GPLD1: variants seen among roughly 807,000 people sequenced by gnomAD.
The protein encoded by GPLD1 is phosphatidylinositol-glycan-specific phospholipase D.
In GPLD1, 84 loss-of-function variants were observed where a neutral mutation model predicts 112.6. The observed-to-expected ratio is 0.75, with a 90% CI of 0.63 to 0.89. GPLD1 has a LOEUF of 0.89. Ranked by LOEUF, GPLD1 falls within the 40% of genes least tolerant of loss-of-function variation. The probability of loss-of-function intolerance (pLI) is 0.00; values close to 1 mark genes in which losing one functional copy is unlikely to be tolerated. For synonymous variants in GPLD1, 386 were observed against 403.8 expected (o/e 0.96, Z 0.53); for missense variants, 1,044 against 1,051.5 (o/e 0.99, Z 0.10).
At chr6:24,435,840 A>AAAAAAAAAAAAAAAAAAAAAAAAAT (rs1762561279) in intron 22 of GPLD1, 1 of 149,622 alleles carries the variant, frequency 6.7e-6, no homozygotes, top group Non-Finnish European at 1.5e-5. Flanking sequence ...AAAAAAAAAA[A>AAAAAAAAAAAAAAAAAAAAAAAAAT]AAAAAAAGTT....
rs148993886 is a variant in GPLD1, at chr6:24,427,898, C to CA, written c.*1133_*1134insT. ...TCATCCTTAGCAAACTAACACACGA[C>CA]CAGGAACAGAAAACCAAATACCAAG... On this transcript the variant is annotated 3_prime_UTR_variant, in exon 25 of 25. Transcript: ENST00000230036. Among the ~76,000 whole-genome samples, 18,513 of 148,702 alleles carry CA rather than the reference C, an allele frequency of 0.12. 1,464 individuals carry two copies. The highest frequency in any genetic ancestry group is 0.16 in the East Asian group (806 of 5,086).
chr6:24,465,229 GAAAAGAAAAA>G (rs1165085867), intron 10 of GPLD1, among the ~76,000 whole-genome samples: 27 of 139,992 alleles, frequency 1.9e-4, no homozygotes, highest in Non-Finnish European at 4.0e-4. Flanking sequence ...GAAAAGAAAA[GAAAAGAAAAA>G]AAAAGAAATG....
At chr6:24,484,868 C>T (rs937666117) in intron 2 of GPLD1, among the ~76,000 whole-genome samples, 5 of 152,144 alleles carry the variant, frequency 3.3e-5, no homozygotes, top group South Asian at 2.1e-4. Context: ...CTTACCATCC[C>T]GCTTCCCAAA....
intron 7 of GPLD1, among the ~76,000 whole-genome samples, chr6:24,468,957 G>A (rs1027625104): frequency 2.0e-5 from 3 of 152,210 alleles, no homozygotes; most frequent in African/African-American, 4.8e-5. Context: ...TAAATTGATT[G>A]AGACTTGTCT....
intron 7 of GPLD1, among the ~76,000 whole-genome samples, chr6:24,469,847 C>A (rs1407274843): frequency 2.0e-5 from 3 of 152,020 alleles, no homozygotes; most frequent in African/African-American, 7.2e-5. Context: ...TAGTAGGTTT[C>A]TTTTAGTAGG....
rs1352752525 is a variant in GPLD1, at chr6:24,456,647, A to G, written c.1009-10T>C. ...TAAAGGACATGGAATCCTGAAATAA[A>G]AGAATCATTATAGACAGTAAAGACA... is the stretch of plus-strand genomic sequence containing the variant. On this transcript the variant is annotated splice_polypyrimidine_tract_variant and intron_variant, in intron 12 of 24. Transcript: ENST00000230036. The G allele has an allele frequency of 5.7e-6, 9 of 1,581,120 alleles. No individual in the cohort carries two copies. In the Admixed American group the frequency reaches 1.2e-4, roughly 21 times the overall value.
chr6:24,429,413 T>C (rs146494858), intron 24 of GPLD1, among the ~76,000 whole-genome samples: 7 of 152,290 alleles, frequency 4.6e-5, no homozygotes, highest in African/African-American at 1.7e-4. Context: ...GGAAAACATA[T>C]CTTGAATAGT....
intron 4 of GPLD1, 21 bp downstream of exon 4, chr6:24,476,160 G>A: frequency 7.7e-7 from 1 of 1,292,080 alleles, no homozygotes; most frequent in Non-Finnish European, 1.1e-6. Context: ...AATATTTTAA[G>A]GATTGGAGGA....
intron 5 of GPLD1, 72 bp downstream of exon 5, chr6:24,475,049 C>T (rs995700896): frequency 1.4e-5 from 11 of 787,576 alleles, no homozygotes; most frequent in Admixed American, 7.6e-5. Context: ...TCTTTTAAAA[C>T]GGTCAGGTTT....
chr6:24,463,691 GA>G (rs1763507920), intron 10 of GPLD1, among the ~76,000 whole-genome samples: 2 of 152,172 alleles, frequency 1.3e-5, no homozygotes, highest in African/African-American at 4.8e-5. Flanking sequence ...CTTTTTTAAG[GA>G]AAATATACCA....
chr6:24,442,917 A>T (rs1002919955), intron 20 of GPLD1, among the ~76,000 whole-genome samples: 2 of 152,114 alleles, frequency 1.3e-5, no homozygotes, highest in African/African-American at 2.4e-5. Flanking sequence ...AGGAAAAAAA[A>T]TTATCAAGAG....
At chr6:24,438,193 G>A (rs958246748) in intron 20 of GPLD1, among the ~76,000 whole-genome samples, 1 of 152,108 alleles carries the variant, frequency 6.6e-6, no homozygotes, top group Non-Finnish European at 1.5e-5. Context: ...AAGAAATGCG[G>A]TCACGTCTCT....
intron 7 of GPLD1, among the ~76,000 whole-genome samples, chr6:24,468,305 T>G (rs115534402): frequency 6.6e-6 from 1 of 152,204 alleles, no homozygotes; most frequent in Non-Finnish European, 1.5e-5. Flanking sequence ...AAAGGACAGA[T>G]AGAACTCAAA....
intron 3 of GPLD1, 69 bp from the exon 4 acceptor site, chr6:24,476,347 A>G: frequency 1.3e-6 from 1 of 774,998 alleles, no homozygotes; most frequent in Non-Finnish European, 2.2e-6. Context: ...AATCTTCCAC[A>G]CCACCCGCTG....
At chr6:24,437,809 C>T (rs9467153) in intron 20 of GPLD1, among the ~76,000 whole-genome samples, 9,168 of 152,270 alleles carry the variant, frequency 0.06, 644 homozygotes, top group African/African-American at 0.17. Flanking sequence ...CCGCGTGCTC[C>T]CCTGTCCACA....
At chr6:24,468,203 G>A (rs1283556305) in intron 7 of GPLD1, among the ~76,000 whole-genome samples, 2 of 152,054 alleles carry the variant, frequency 1.3e-5, no homozygotes, top group Non-Finnish European at 2.9e-5. Context: ...ACCACACCTG[G>A]CCCTCCCAAT....
At chr6:24,461,259 T>C (rs771650042) in intron 11 of GPLD1, among the ~76,000 whole-genome samples, 63 of 151,328 alleles carry the variant, frequency 4.2e-4, no homozygotes, top group Non-Finnish European at 7.8e-4. Context: ...CCAAGAAAGA[T>C]TGCAAGCCTA....
At chr6:24,480,541 G>A (rs6456617) in intron 2 of GPLD1, among the ~76,000 whole-genome samples, 25,884 of 152,128 alleles carry the variant, frequency 0.17, 2,634 homozygotes, top group African/African-American at 0.28. Flanking sequence ...AGAGAAAAAC[G>A]GACACACAAA....
At position 24,448,030 on chromosome 6, in the gene GPLD1, T is replaced by C. The variant is rs1316359057; in HGVS notation, c.1525A>G (p.Ile509Val). 1 of 1,613,722 alleles carries C rather than the reference T, an allele frequency of 6.2e-7. No homozygotes were observed. The change falls in exon 17 of 25, where the codon ATC becomes GTC. Residue 509 changes from isoleucine to valine, a missense_variant. Ile to Val is a conservative substitution (Grantham distance 29). Transcript: ENST00000230036. ...AGAGTCCAGCCCAAGTTACAGTAGA[T>C]GTCCTTAAGAAGAAACCAGGAAAGC... ...SPNITISCQD[I>V]YCNLGWTLLA...
Sources: gnomAD v4.1 joint callset for allele counts (sites outside exome capture counted in the v4.1 genomes callset) on GRCh38, gnomAD v4.1.1 for gene constraint, MANE v1.5 for transcripts, NCBI Gene and HGNC (gene_info 2026-07-23, HGNC 2026-07-21) for gene names.